The following SORCS2 variants were observed in gnomAD, a reference collection of about 807,000 sequenced individuals.
SORCS2 encodes VPS10 domain-containing receptor SorCS2.
In SORCS2, 100 loss-of-function variants were observed where a neutral mutation model predicts 141.6. That is an observed-to-expected ratio of 0.71 (90% CI 0.60 to 0.83). The LOEUF is 0.83. Ranked by LOEUF, SORCS2 falls within the 40% of genes least tolerant of loss-of-function variation. The pLI is 0.00. For missense variants in SORCS2, 1,646 were observed against 1,560.2 expected, an observed-to-expected ratio of 1.05 and a Z score of -0.93; for synonymous variants, 789 against 676.9, an observed-to-expected ratio of 1.17 and a Z score of -2.57.
intron 1 of SORCS2, among the ~76,000 whole-genome samples, chr4:7,309,729 G>A (rs1718061908): frequency 6.6e-6 from 1 of 152,182 alleles, no homozygotes; most frequent in South Asian, 2.1e-4. Flanking sequence ...CTGGGGTCAA[G>A]CGTGGGCGGG....
At chr4:7,478,888 A>C (rs1730460490) in intron 2 of SORCS2, among the ~76,000 whole-genome samples, 1 of 152,198 alleles carries the variant, frequency 6.6e-6, no homozygotes, top group Admixed American at 6.5e-5. Flanking sequence ...CTGTGTTGGC[A>C]GGGGGCCTCG....
intron 3 of SORCS2, among the ~76,000 whole-genome samples, chr4:7,638,113 G>A (rs1336879485): frequency 6.6e-6 from 1 of 152,118 alleles, no homozygotes; most frequent in African/African-American, 2.4e-5. Context: ...CTATAGTTAG[G>A]CTGAGCTGGC....
intron 3 of SORCS2, among the ~76,000 whole-genome samples, chr4:7,631,315 G>A (rs1253827027): frequency 1.3e-5 from 2 of 151,516 alleles, no homozygotes; most frequent in Non-Finnish European, 1.5e-5. Flanking sequence ...GGTCAGGGAG[G>A]CAGGGAGGTG....
intron 8 of SORCS2, among the ~76,000 whole-genome samples, chr4:7,669,761 C>T (rs934480798): frequency 9.2e-5 from 14 of 152,210 alleles, no homozygotes; most frequent in Non-Finnish European, 1.6e-4. Context: ...CTTGGTCTCC[C>T]GGCATTCCTC....
intron 13 of SORCS2, among the ~76,000 whole-genome samples, chr4:7,703,829 G>C: frequency 6.6e-6 from 1 of 152,184 alleles, no homozygotes; most frequent in East Asian, 1.9e-4. Context: ...ACTGTAGTCT[G>C]AAAAAGAGAT....
chr4:7,542,992 T>C (rs2109592218), intron 3 of SORCS2, among the ~76,000 whole-genome samples: 1 of 152,308 alleles, frequency 6.6e-6, no homozygotes, highest in African/African-American at 2.4e-5. Flanking sequence ...AGGGAGAAGA[T>C]GGTCCTCTTG....
intron 1 of SORCS2, among the ~76,000 whole-genome samples, chr4:7,213,624 G>T (rs564768709): frequency 3.3e-5 from 5 of 152,334 alleles, no homozygotes; most frequent in African/African-American, 1.2e-4. Context: ...TGCTGGCATT[G>T]CAAGGACCTC....
chr4:7,205,430 A>T (rs928051876), intron 1 of SORCS2, among the ~76,000 whole-genome samples: 3 of 152,252 alleles, frequency 2.0e-5, no homozygotes, highest in Non-Finnish European at 1.5e-5. Context: ...ATCAAAATAC[A>T]GTTTTAGTAT....
chr4:7,503,427 G>A (rs923476084), intron 2 of SORCS2, among the ~76,000 whole-genome samples: 5 of 152,214 alleles, frequency 3.3e-5, no homozygotes, highest in African/African-American at 1.2e-4. Context: ...ACATGGAGAT[G>A]AGCTAGAGAC....
chr4:7,580,481 C>T (rs755886040), intron 3 of SORCS2, among the ~76,000 whole-genome samples: 1 of 150,260 alleles, frequency 6.7e-6, no homozygotes, highest in African/African-American at 2.5e-5. Context: ...CACAGCAAGA[C>T]TCAGAAAAAA....
chr4:7,585,122 C>A (rs973923404), intron 3 of SORCS2, among the ~76,000 whole-genome samples: 2 of 152,172 alleles, frequency 1.3e-5, no homozygotes, highest in Non-Finnish European at 2.9e-5. Context: ...AGATCTGAGA[C>A]AAGCATATAA....
intron 3 of SORCS2, among the ~76,000 whole-genome samples, chr4:7,599,891 T>C (rs1030809009): frequency 3.3e-5 from 5 of 151,442 alleles, no homozygotes; most frequent in African/African-American, 1.2e-4. Context: ...TAGCATGATA[T>C]CAGCTCACTA....
chr4:7,571,213 C>T (rs573090216), intron 3 of SORCS2, among the ~76,000 whole-genome samples: 95 of 152,342 alleles, frequency 6.2e-4, no homozygotes, highest in Admixed American at 1.4e-3. Context: ...CTCTGCGCAT[C>T]GCCCCTGGGC....
intron 1 of SORCS2, among the ~76,000 whole-genome samples, chr4:7,282,956 C>A (rs561863370): frequency 6.6e-6 from 1 of 152,230 alleles, no homozygotes; most frequent in East Asian, 1.9e-4. Context: ...CATTCACACT[C>A]ATTAATTCAT....
At chr4:7,589,220 C>A (rs543818496) in intron 3 of SORCS2, among the ~76,000 whole-genome samples, 1 of 152,202 alleles carries the variant, frequency 6.6e-6, no homozygotes, top group South Asian at 2.1e-4. Context: ...TTGTGGCAAC[C>A]CAGAGGTGAA....
At chr4:7,718,237 A>G in intron 18 of SORCS2, 54 bp downstream of exon 18, 3 of 1,573,326 alleles carry the variant, frequency 1.9e-6, no homozygotes, top group Non-Finnish European at 2.6e-6. Context: ...GGGCGGCTCC[A>G]ACTGGGCACG....
intron 3 of SORCS2, among the ~76,000 whole-genome samples, chr4:7,606,365 G>A (rs917742693): frequency 2.6e-5 from 4 of 152,086 alleles, no homozygotes; most frequent in African/African-American, 4.8e-5. Context: ...TTCAACGATC[G>A]TCTCTGTGGC....
At chr4:7,714,458 G>A in intron 16 of SORCS2, 85 bp downstream of exon 16, 1 of 1,442,664 alleles carries the variant, frequency 6.9e-7, no homozygotes, top group East Asian at 2.5e-5. Flanking sequence ...CAGAGTGAGG[G>A]AGGAAGCCTC....
At chr4:7,677,854 C>A (rs1723266160) in intron 9 of SORCS2, among the ~76,000 whole-genome samples, 1 of 152,194 alleles carries the variant, frequency 6.6e-6, no homozygotes. Flanking sequence ...GCAGCGCCCA[C>A]CCCCACCCCT....
Sources: allele counts gnomAD v4.1 joint callset (sites outside exome capture counted in the v4.1 genomes callset), GRCh38; gene constraint gnomAD v4.1.1; transcripts MANE v1.5; gene names NCBI Gene and HGNC (gene_info 2026-07-23, HGNC 2026-07-21).